The following APP variants were observed in gnomAD, a reference collection of about 807,000 sequenced individuals.
The protein encoded by APP is amyloid-beta precursor protein.
A neutral mutation model predicts 101.4 loss-of-function variants in APP; 31 were observed. The observed-to-expected ratio is 0.31, with a 90% confidence interval of 0.23 to 0.41. APP has a LOEUF of 0.41. Ranked by LOEUF, APP falls within the 10% of genes least tolerant of loss-of-function variation. APP has a pLI of 1.00. For synonymous variants in APP, 366 were observed against 364.4 expected, an observed-to-expected ratio of 1.00 and a Z score of -0.05; for missense variants, 839 against 1,003.7, an observed-to-expected ratio of 0.84 and a Z score of 2.22.
rs564935101 is a variant in APP, at chr21:25,897,648, C to T, written c.1989G>A (p.Thr663=). The change falls in exon 16 of 18, where the codon ACG becomes ACA. Residue 663 remains threonine (T), a synonymous_variant. Transcript: ENST00000346798. The stretch of plus-strand genomic sequence containing the variant: ...CCATCTTCACTTCAGAGATCTCCTC[C>T]GTCTTGATATTTGTCAACCCAGAAC... ...RPGSGLTNIK[T]EEISEVKMDA... 5 of 1,613,768 alleles carry T rather than the reference C, an allele frequency of 3.1e-6. No individual in the cohort carries two copies. The highest frequency in any genetic ancestry group is 2.2e-5 in the East Asian group (1 of 44,874).
At chr21:25,994,045 T>C (rs1046860071) in intron 8 of APP, among the ~76,000 whole-genome samples, 4 of 152,200 alleles carry the variant, frequency 2.6e-5, no homozygotes, top group Admixed American at 2.0e-4. Flanking sequence ...TGACTAAAAA[T>C]TGGCATGATG....
intron 5 of APP, among the ~76,000 whole-genome samples, chr21:26,038,928 T>A (rs372571896): frequency 6.6e-6 from 1 of 152,194 alleles, no homozygotes; most frequent in Non-Finnish European, 1.5e-5. Flanking sequence ...ATTTTCCCCA[T>A]GTTTGAGGTA....
At chr21:25,910,162 T>C (rs971822462) in intron 14 of APP, among the ~76,000 whole-genome samples, 3 of 149,492 alleles carry the variant, frequency 2.0e-5, no homozygotes, top group Non-Finnish European at 4.4e-5. Flanking sequence ...AGTCTCGCTC[T>C]GTCACCCAGG....
chr21:25,914,634 A>G (rs1328698837), intron 13 of APP, among the ~76,000 whole-genome samples: 1 of 148,106 alleles, frequency 6.8e-6, no homozygotes, highest in African/African-American at 2.6e-5. Context: ...GCTCACTGCA[A>G]GCTCCGCCTC....
At chr21:26,059,401 G>A (rs1307115272) in intron 3 of APP, among the ~76,000 whole-genome samples, 1 of 152,134 alleles carries the variant, frequency 6.6e-6, no homozygotes, top group African/African-American at 2.4e-5. Flanking sequence ...AAATGTTCTG[G>A]CAATGTAATT....
intron 1 of APP, among the ~76,000 whole-genome samples, chr21:26,151,491 T>C (rs1476806515): frequency 6.6e-6 from 1 of 152,204 alleles, no homozygotes. Flanking sequence ...ACCTTTTTTT[T>C]TTATGTTAAA....
chr21:25,982,602 A>G (rs964072635), intron 8 of APP, 125 bp from the exon 9 acceptor site: 3 of 894,310 alleles, frequency 3.4e-6, no homozygotes, highest in South Asian at 3.2e-5. Context: ...AAAGCAGCGC[A>G]TACAAGACGT....
intron 6 of APP, among the ~76,000 whole-genome samples, chr21:26,013,355 T>C (rs112046523): frequency 0.012 from 1,867 of 152,028 alleles, 44 homozygotes; most frequent in African/African-American, 0.042. Context: ...CCCATGTAAA[T>C]GTATGCATGT....
intron 11 of APP, among the ~76,000 whole-genome samples, chr21:25,969,855 A>G (rs2041944576): frequency 7.7e-6 from 1 of 129,208 alleles, no homozygotes; most frequent in Admixed American, 8.0e-5. Context: ...AAAAGAAAAC[A>G]AAAGAAAAGA....
intron 11 of APP, among the ~76,000 whole-genome samples, chr21:25,972,164 A>G (rs2042055083): frequency 6.6e-6 from 1 of 151,200 alleles, no homozygotes. Flanking sequence ...AGACGATATT[A>G]TGGGTGTTGG....
chr21:26,059,296 A>G (rs2830034), intron 3 of APP, among the ~76,000 whole-genome samples: 104,777 of 151,990 alleles, frequency 0.69, 36,369 homozygotes, highest in East Asian at 0.79. Context: ...TGGGAATGAA[A>G]GGCCAAAAAT....
intron 17 of APP, among the ~76,000 whole-genome samples, chr21:25,890,539 G>A (rs45617135): frequency 2.1e-4 from 32 of 151,984 alleles, no homozygotes; most frequent in Admixed American, 4.6e-4. Flanking sequence ...TCAGGAGTTC[G>A]AGACCAGCCT....
rs1389261789 is a variant in APP, at chr21:26,170,671, C to T, written c.-51G>A. 1.3e-6 allele frequency: 2 copies of T among 1,507,364 alleles called. No homozygotes were observed. Among genetic ancestry groups the T allele is most frequent in the Non-Finnish European group, 1.8e-6 (2 of 1,132,772 alleles). The allele number at this position is 1,507,364 out of a possible 1,614,324, so 93.4% of individuals were successfully genotyped here. On this transcript the variant is annotated 5_prime_UTR_variant, in exon 1 of 18. Transcript: ENST00000346798. ...GCGCTGCTGTGCGAGTGGGATCCGC[C>T]GCGTCCTTGCTCTGCCCGCGCCGCC...
chr21:26,118,394 C>T (rs2062483512), intron 1 of APP, among the ~76,000 whole-genome samples: 1 of 152,154 alleles, frequency 6.6e-6, no homozygotes, highest in Non-Finnish European at 1.5e-5. Context: ...TCCATTTAGT[C>T]TTAAAAGGTG....
At chr21:25,949,102 T>C (rs1409187684) in intron 13 of APP, among the ~76,000 whole-genome samples, 1 of 152,040 alleles carries the variant, frequency 6.6e-6, no homozygotes, top group African/African-American at 2.4e-5. Flanking sequence ...TTTTAAAAAA[T>C]AAAAACATTA....
intron 3 of APP, among the ~76,000 whole-genome samples, chr21:26,080,326 G>T (rs17514385): frequency 0.044 from 6,724 of 152,102 alleles, 437 homozygotes; most frequent in African/African-American, 0.14. Context: ...AATAGTGCTG[G>T]AATTTCCTAT....
intron 3 of APP, among the ~76,000 whole-genome samples, chr21:26,086,789 T>C (rs915364109): frequency 2.0e-5 from 3 of 152,230 alleles, no homozygotes; most frequent in Admixed American, 1.3e-4. Flanking sequence ...GTTTCTTTTT[T>C]AGTGCTATTG....
intron 13 of APP, among the ~76,000 whole-genome samples, chr21:25,944,530 C>T (rs1340267274): frequency 6.6e-6 from 1 of 152,210 alleles, no homozygotes; most frequent in African/African-American, 2.4e-5. Flanking sequence ...TGAACACCAA[C>T]AAGCAAATTA....
intron 13 of APP, among the ~76,000 whole-genome samples, chr21:25,943,512 G>T (rs1434221143): frequency 6.6e-6 from 1 of 150,800 alleles, no homozygotes; most frequent in Non-Finnish European, 1.5e-5. Context: ...GGGTGAAGTG[G>T]CAGGATCTCA....
Sources: allele counts gnomAD v4.1 joint callset (sites outside exome capture counted in the v4.1 genomes callset), GRCh38; gene constraint gnomAD v4.1.1; transcripts MANE v1.5; gene names NCBI Gene and HGNC (gene_info 2026-07-23, HGNC 2026-07-21).